Variants in SDK1 observed in about 807,000 individuals in gnomAD.
SDK1 encodes the protein protein sidekick-1.
A neutral mutation model predicts 245.5 loss-of-function variants in SDK1; 157 were observed. That is an observed-to-expected ratio of 0.64 (90% confidence interval 0.56 to 0.73). The LOEUF (loss-of-function observed/expected upper bound fraction) is 0.73. SDK1 is among the 30% of genes least tolerant of loss of function. The pLI is 0.00. For synonymous variants in SDK1, 1,647 were observed against 1,278.5 expected (o/e 1.29, Z -6.15); for missense variants, 3,583 against 3,002.3 (o/e 1.19, Z -4.52).
At chr7:3,393,798 C>T (rs1781822762) in intron 1 of SDK1, among the ~76,000 whole-genome samples, 1 of 152,012 alleles carries the variant, frequency 6.6e-6, no homozygotes, top group South Asian at 2.1e-4. Context: ...ATTTTGAGTT[C>T]TTGAAAGGTC....
chr7:3,555,111 C>A (rs1269397611), intron 1 of SDK1, among the ~76,000 whole-genome samples: 1 of 151,900 alleles, frequency 6.6e-6, no homozygotes, highest in Non-Finnish European at 1.5e-5. Context: ...CACAAAAAGC[C>A]AAGAATAGAC....
chr7:3,395,300 C>T (rs1241640384), intron 1 of SDK1, among the ~76,000 whole-genome samples: 1 of 151,814 alleles, frequency 6.6e-6, no homozygotes, highest in Admixed American at 6.6e-5. Context: ...GTTAAAACCT[C>T]ACATTTCTGG....
chr7:3,521,936 G>T (rs999672579), intron 1 of SDK1, among the ~76,000 whole-genome samples: 2 of 152,034 alleles, frequency 1.3e-5, no homozygotes, highest in African/African-American at 4.8e-5. Context: ...ATGAGTCTGG[G>T]AGTGATCTGC....
At chr7:3,819,172 T>C (rs73034487) in intron 4 of SDK1, among the ~76,000 whole-genome samples, 388 of 152,160 alleles carry the variant, frequency 2.5e-3, no homozygotes, top group Non-Finnish European at 4.3e-3. Context: ...TTCTGGGAAA[T>C]TAATCTTCAT....
At chr7:4,134,201 T>C (rs2128200829) in intron 28 of SDK1, among the ~76,000 whole-genome samples, 1 of 152,296 alleles carries the variant, frequency 6.6e-6, no homozygotes, top group Non-Finnish European at 1.5e-5. Flanking sequence ...GCTTTGCCTC[T>C]TTCTTTATGT....
Position 3,471,472 on chromosome 7 carries a change from T to G in SDK1, c.299-147608T>G, listed in dbSNP as rs192741872. Among the ~76,000 whole-genome samples the G allele has an allele frequency of 1.3e-3, 197 of 152,298 alleles. 2 individuals carry two copies. The highest frequency in any genetic ancestry group is 4.5e-3 in the African/African-American group (187 of 41,578). On this transcript the variant is annotated intron_variant, in intron 1 of 44. Transcript: ENST00000404826. Reference sequence around the variant, plus strand: ...CATTATTTTTAATATGTGTTAATCCTCAAACTACAGGTACTTAAAACCTTG... The same window carrying G: ...CATTATTTTTAATATGTGTTAATCCGCAAACTACAGGTACTTAAAACCTTG...
intron 26 of SDK1, among the ~76,000 whole-genome samples, chr7:4,127,705 G>A (rs1198899157): frequency 1.3e-5 from 2 of 152,190 alleles, no homozygotes; most frequent in African/African-American, 4.8e-5. Context: ...TGACACAAAT[G>A]CCAAAACAGG....
At chr7:4,209,626 A>T (rs541052271) in intron 37 of SDK1, among the ~76,000 whole-genome samples, 28 of 152,198 alleles carry the variant, frequency 1.8e-4, no homozygotes, top group African/African-American at 6.5e-4. Context: ...AGGGGTCAAG[A>T]GAGGCTTCAT....
rs17133836 is a variant in SDK1 at position 3,791,331 on chromosome 7, C to G, written c.714-30119C>G. ...TGGAAACAGATTTAATCTTTGGGAA[C>G]TGTTTTGAATTATTTAGGTATCGGG... On this transcript the variant is annotated intron_variant, in intron 4 of 44. Coordinates refer to ENST00000404826, the MANE Select transcript of SDK1 (RefSeq NM_152744.4). 5.3e-3 allele frequency among the ~76,000 whole-genome samples: 803 copies of G among 152,236 alleles called. 4 individuals carry two copies. Among genetic ancestry groups the G allele is most frequent in the African/African-American group, 0.018 (763 of 41,536 alleles).
At chr7:4,261,014 C>T (rs1022466775) in intron 44 of SDK1, among the ~76,000 whole-genome samples, 5 of 152,150 alleles carry the variant, frequency 3.3e-5, no homozygotes, top group African/African-American at 9.7e-5. Flanking sequence ...ACTTAATGTT[C>T]GGAGAAGTCC....
chr7:3,935,605 A>G (rs1395826115), intron 5 of SDK1, among the ~76,000 whole-genome samples: 1 of 152,330 alleles, frequency 6.6e-6, no homozygotes, highest in East Asian at 1.9e-4. Flanking sequence ...GATACAAATG[A>G]CTGGTAAGCA....
Position 4,147,042 on chromosome 7 carries a change from C to T in SDK1, c.4423+1126C>T, listed in dbSNP as rs541660872. On this transcript the variant is annotated intron_variant, in intron 29 of 44. Coordinates refer to ENST00000404826, the MANE Select transcript of SDK1 (RefSeq NM_152744.4). ...TCCAGGGTTGGTGCCACAGGACCCT[C>T]ACCTCAGCAGCCCCAGCTCCCACTC... Among the ~76,000 whole-genome samples the T allele has an allele frequency of 9.2e-5, 14 of 152,344 alleles. No homozygotes were observed. In the East Asian group the frequency reaches 2.5e-3, roughly 27 times the overall value.
rs55899344 is a variant in SDK1, at chr7:4,074,916, A to ATTTTTTTTT, written c.3011-2075_3011-2067dup. 5.6e-4 allele frequency among the ~76,000 whole-genome samples: 36 copies of ATTTTTTTTT among 64,590 alleles called. 1 individual carries two copies. Among genetic ancestry groups the ATTTTTTTTT allele is most frequent in the African/African-American group, 3.9e-3 (33 of 8,466 alleles). The allele number at this position is 64,590 out of a possible 152,430, so 42.4% of individuals were successfully genotyped here. On this transcript the variant is annotated intron_variant, in intron 20 of 44. Coordinates refer to ENST00000404826, the MANE Select transcript of SDK1 (RefSeq NM_152744.4). The stretch of plus-strand genomic sequence containing the variant: ...TATATATATATATATATATATATAT[A>ATTTTTTTTT]TTTTTTTTTTTTTTTAATAAAGTTA...
At chr7:3,465,617 A>G (rs556308495) in intron 1 of SDK1, among the ~76,000 whole-genome samples, 2 of 152,242 alleles carry the variant, frequency 1.3e-5, no homozygotes, top group South Asian at 4.1e-4. Context: ...TGCTGTGAAC[A>G]CACGCATCCT....
chr7:4,081,241 C>T (rs1781037907), intron 22 of SDK1, among the ~76,000 whole-genome samples: 1 of 152,188 alleles, frequency 6.6e-6, no homozygotes, highest in Admixed American at 6.5e-5. Flanking sequence ...GTGGATGACG[C>T]TCCTTTGGCC....
intron 44 of SDK1, among the ~76,000 whole-genome samples, chr7:4,264,459 C>G (rs537534277): frequency 8.9e-6 from 1 of 112,856 alleles, no homozygotes; most frequent in African/African-American, 2.9e-5. Flanking sequence ...GTGGACCTCT[C>G]CTGAGTGAGG....
At position 3,825,251 on chromosome 7, in the gene SDK1, G is replaced by A. The variant is rs532141928; in HGVS notation, c.847+3668G>A. On this transcript the variant is annotated intron_variant, in intron 5 of 44. Coordinates refer to ENST00000404826, the MANE Select transcript of SDK1 (RefSeq NM_152744.4). ...TTGGCTTTTGCTTTGAAGATTTTACGTTGAGTTAACCTTTGTGGAACAGAA... is the reference window on the plus strand; with the variant it reads ...TTGGCTTTTGCTTTGAAGATTTTACATTGAGTTAACCTTTGTGGAACAGAA... Among the ~76,000 whole-genome samples the A allele has an allele frequency of 2.9e-4, 42 of 146,886 alleles. 2 individuals are homozygous for A. In the South Asian group the frequency reaches 8.5e-3, roughly 30 times the overall value.
In SDK1 at chr7:4,267,207, C is replaced by T. The variant is rs979068078; in HGVS notation, c.*1823C>T. 6.5e-6 allele frequency: 6 copies of T among 920,644 alleles called. No homozygotes were observed. The African/African-American group carries it at 1.1e-4, about 17-fold the overall frequency. The allele number at this position is 920,644 out of a possible 1,614,324, so 57.0% of individuals were successfully genotyped here. Reference sequence around the variant, plus strand: ...TCCTTCCCCTCCTTCCTTTCCTTTACCCCTCCTTTCCTTCCTTCCTCCCTT... The same window carrying T: ...TCCTTCCCCTCCTTCCTTTCCTTTATCCCTCCTTTCCTTCCTTCCTCCCTT... On this transcript the variant is annotated 3_prime_UTR_variant, in exon 45 of 45. Transcript: ENST00000404826.
chr7:3,531,885 G>A (rs1456981013), intron 1 of SDK1, among the ~76,000 whole-genome samples: 1 of 152,152 alleles, frequency 6.6e-6, no homozygotes, highest in Non-Finnish European at 1.5e-5. Context: ...AATTAAGTAG[G>A]CTTTTGTTTT....
Sources: allele counts gnomAD v4.1 joint callset (sites outside exome capture counted in the v4.1 genomes callset), GRCh38; gene constraint gnomAD v4.1.1; transcripts MANE v1.5; gene names NCBI Gene and HGNC (gene_info 2026-07-23, HGNC 2026-07-21).